The following IRAG2 variants were observed in gnomAD, a reference collection of about 807,000 sequenced individuals.
IRAG2 encodes inositol 1,4,5-triphosphate receptor associated 2, also known as lymphoid restricted membrane protein.
In IRAG2, 45 loss-of-function variants were observed where a neutral mutation model predicts 69.9. That is an observed-to-expected ratio of 0.64 (90% CI 0.51 to 0.83). The LOEUF (loss-of-function observed/expected upper bound fraction) is 0.83, where lower values mean the gene tolerates loss of function less well. Among genes scored for constraint, IRAG2 ranks in the 40% least tolerant of loss-of-function variants. The probability of loss-of-function intolerance (pLI) is 0.00; values close to 1 mark genes in which losing one functional copy is unlikely to be tolerated. For missense variants in IRAG2, 520 were observed against 587.0 expected, an observed-to-expected ratio of 0.89 and a Z score of 1.18; for synonymous variants, 193 against 202.4, an observed-to-expected ratio of 0.95 and a Z score of 0.40.
intron 6 of IRAG2, chr12:25,017,330 A>T (rs1944538409): frequency 8.1e-7 from 1 of 1,231,018 alleles, no homozygotes; most frequent in South Asian, 4.1e-5. Context: ...GGGAACTTTC[A>T]TTTCTTTTTT....
chr12:25,001,142 T>C (rs1321543760), upstream of IRAG2, among the ~76,000 whole-genome samples: 1 of 152,192 alleles, frequency 6.6e-6, no homozygotes, highest in African/African-American at 2.4e-5. Flanking sequence ...TGAAGAGCCA[T>C]TGTTTTCAGT....
At chr12:25,019,196 G>C (rs117698939) in intron 6 of IRAG2, among the ~76,000 whole-genome samples, 2 of 152,286 alleles carry the variant, frequency 1.3e-5, no homozygotes, top group South Asian at 2.1e-4. Flanking sequence ...GCCCCAGAGG[G>C]CATGTGTTAC....
chr12:25,077,244 T>TATATATG lies in IRAG2; in HGVS notation c.25-1994_25-1993insGATATAT, dbSNP rs1565562566. Among the ~76,000 whole-genome samples, 5 of 63,896 alleles carry TATATATG rather than the reference T, an allele frequency of 7.8e-5. 1 individual carries two copies. The highest frequency in any genetic ancestry group is 1.4e-4 in the Non-Finnish European group (4 of 29,340). 41.9% of individuals were successfully genotyped at this position (63,896 alleles called of 152,430 possible). A position where few individuals can be genotyped will look rare whatever the true frequency, so the allele number is the denominator to read the frequency against. On this transcript the variant is annotated intron_variant, in intron 6 of 21. Coordinates refer to ENST00000556887, the MANE Select transcript of IRAG2 (RefSeq NM_001366544.2). ...AAATATATATGATATATATATGAAA[T>TATATATG]ATATATATGATATATATATGAAATA...
chr12:25,034,451 G>T (rs1031593821), intron 13 of IRAG2, among the ~76,000 whole-genome samples: 2 of 151,978 alleles, frequency 1.3e-5, no homozygotes, highest in African/African-American at 2.4e-5. Context: ...CATGTGTTTT[G>T]GTTAATTTTA....
Position 25,088,115 on chromosome 12 carries a change from C to T in IRAG2, c.331C>T (p.Pro111Ser). ...TILNLEAKEEPETIEEHKKEH... is the reference protein window; with the variant it reads ...TILNLEAKEESETIEEHKKEH... ...ATGATTTTAGGAAGCCAAAGAGGAA[C>T]CAGAAACAATAGAAGAACATAAAAA... The change falls in exon 11 of 22, where the codon CCA (proline) becomes TCA (serine). Residue 111 changes from proline (P) to serine (S), a missense_variant. Coordinates refer to ENST00000556887, the MANE Select transcript of IRAG2 (RefSeq NM_001366544.2). 1 of 1,612,746 alleles carries T rather than the reference C, an allele frequency of 6.2e-7. No homozygotes were observed. Among genetic ancestry groups the T allele is most frequent in the Non-Finnish European group, 8.5e-7 (1 of 1,178,856 alleles).
At chr12:25,040,880 C>A (rs1423226497) in intron 16 of IRAG2, among the ~76,000 whole-genome samples, 2 of 152,162 alleles carry the variant, frequency 1.3e-5, no homozygotes, top group Admixed American at 1.3e-4. Flanking sequence ...AAATCTCTGC[C>A]TCTATGAAAC....
At chr12:25,056,225 A>C (rs1054416830) in intron 1 of IRAG2, among the ~76,000 whole-genome samples, 1 of 152,204 alleles carries the variant, frequency 6.6e-6, no homozygotes, top group Non-Finnish European at 1.5e-5. Context: ...CTAAGCAGTC[A>C]GTAAACAGGA....
At chr12:25,056,448 A>G (rs982569895) in intron 1 of IRAG2, among the ~76,000 whole-genome samples, 8 of 152,204 alleles carry the variant, frequency 5.3e-5, no homozygotes, top group African/African-American at 1.9e-4. Context: ...AGAACATGGG[A>G]TTTGAAATTA....
At chr12:25,021,690 T>C (rs1488028175) in intron 7 of IRAG2, among the ~76,000 whole-genome samples, 1 of 152,234 alleles carries the variant, frequency 6.6e-6, no homozygotes, top group Non-Finnish European at 1.5e-5. Context: ...TCATTAACTA[T>C]GGTAAGGAGT....
chr12:25,107,961 G>A lies in IRAG2; in HGVS notation c.1401G>A (p.Val467=). 1 of 1,614,140 alleles carries A rather than the reference G, an allele frequency of 6.2e-7. No individual in the cohort carries two copies. Among genetic ancestry groups the A allele is most frequent in the Non-Finnish European group, 8.5e-7 (1 of 1,180,028 alleles). The change falls in exon 22 of 22, where the codon GTG becomes GTA. Residue 467 remains valine, a synonymous_variant. Transcript: ENST00000556887. ...CAGGCCAATTATTCCAGAAGTCTGT[G>A]GATGCCGCTCCCACACAGCAAGAGG... ...FLTGQLFQKS[V]DAAPTQQEDS...
intron 7 of IRAG2, among the ~76,000 whole-genome samples, chr12:25,021,255 C>T (rs1944578088): frequency 6.6e-6 from 1 of 151,848 alleles, no homozygotes; most frequent in Admixed American, 6.6e-5. Context: ...TAGGCATGAG[C>T]CACTGTGCTT....
intron 9 of IRAG2, among the ~76,000 whole-genome samples, chr12:25,028,081 T>C (rs1250165638): frequency 6.6e-6 from 1 of 152,122 alleles, no homozygotes; most frequent in Non-Finnish European, 1.5e-5. Flanking sequence ...TGCGCCACCA[T>C]GCTTAGCTAA....
intron 2 of IRAG2, chr12:25,011,225 A>G: frequency 9.4e-6 from 6 of 634,992 alleles, no homozygotes; most frequent in Non-Finnish European, 1.4e-5. Flanking sequence ...AGTGTTCTTT[A>G]CAATATACCA....
upstream of IRAG2, among the ~76,000 whole-genome samples, chr12:25,050,533 AAACAAACAAACAAACAAAC>A (rs1401501434): frequency 1.6e-4 from 8 of 49,600 alleles, no homozygotes; most frequent in Non-Finnish European, 3.6e-4. Flanking sequence ...GTCTCAAAAA[AAACAAACAAACAAACAAAC>A]AAAAAAAAAC....
chr12:25,013,686 A>G (rs955535916), intron 3 of IRAG2, among the ~76,000 whole-genome samples: 2 of 152,150 alleles, frequency 1.3e-5, no homozygotes, highest in Non-Finnish European at 2.9e-5. Flanking sequence ...CATTTAAAGT[A>G]ATAATATTTG....
chr12:25,057,053 G>A (rs778915130), intron 1 of IRAG2, among the ~76,000 whole-genome samples: 55 of 151,960 alleles, frequency 3.6e-4, no homozygotes, highest in Non-Finnish European at 1.9e-4. Flanking sequence ...CACCACCACT[G>A]TTCTAGTGAA....
chr12:25,030,391 T>C, intron 10 of IRAG2: 1 of 1,154,900 alleles, frequency 8.7e-7, no homozygotes, highest in Non-Finnish European at 1.1e-6. Flanking sequence ...TCTCCAAATC[T>C]GATTCTTTTT....
chr12:25,063,330 G>A (rs1945755204), intron 3 of IRAG2, among the ~76,000 whole-genome samples: 1 of 152,190 alleles, frequency 6.6e-6, no homozygotes, highest in Non-Finnish European at 1.5e-5. Context: ...GGGATTACAG[G>A]CATGAACCAC....
chr12:25,024,292 C>G (rs890135045), intron 8 of IRAG2, among the ~76,000 whole-genome samples: 5 of 152,062 alleles, frequency 3.3e-5, no homozygotes, highest in Non-Finnish European at 7.4e-5. Context: ...ATCTTAAATT[C>G]ACTGAAAAAA....
Sources: gnomAD v4.1 joint callset for allele counts (sites outside exome capture counted in the v4.1 genomes callset) on GRCh38, gnomAD v4.1.1 for gene constraint, MANE v1.5 for transcripts, NCBI Gene and HGNC (gene_info 2026-07-23, HGNC 2026-07-21) for gene names.